DSCAM: variants seen among roughly 807,000 people sequenced by gnomAD.
DSCAM encodes cell adhesion molecule DSCAM.
In DSCAM, 47 loss-of-function variants were observed where a neutral mutation model predicts 217.7. The observed-to-expected ratio is 0.22, with a 90% CI of 0.17 to 0.28. DSCAM has a LOEUF of 0.28. Ranked by LOEUF, DSCAM falls within the 10% of genes least tolerant of loss-of-function variation. The pLI is 1.00. For missense variants in DSCAM, 2,080 were observed against 2,618.3 expected (o/e 0.79, Z 4.49); for synonymous variants, 1,056 against 1,015.3 (o/e 1.04, Z -0.76).
chr21:40,051,892 A>G (rs543675540), intron 30 of DSCAM, 66 bp downstream of exon 30: 1 of 1,529,066 alleles, frequency 6.5e-7, no homozygotes, highest in Admixed American at 2.1e-5. Context: ...TTTGAGAGAG[A>G]AAGAACATTA....
intron 1 of DSCAM, among the ~76,000 whole-genome samples, chr21:40,820,570 T>C (rs1265603059): frequency 1.3e-5 from 2 of 152,194 alleles, no homozygotes; most frequent in Non-Finnish European, 2.9e-5. Flanking sequence ...GGCACATGTA[T>C]ACCTCTGTAA....
At chr21:40,223,487 C>T (rs767880232) in intron 11 of DSCAM, among the ~76,000 whole-genome samples, 1 of 152,178 alleles carries the variant, frequency 6.6e-6, no homozygotes, top group Non-Finnish European at 1.5e-5. Flanking sequence ...AATAGGAAGA[C>T]AGCTTTTCTC....
At chr21:40,040,926 C>CA (rs1568906943) in intron 32 of DSCAM, among the ~76,000 whole-genome samples, 6 of 115,044 alleles carry the variant, frequency 5.2e-5, no homozygotes, top group African/African-American at 2.2e-4. Flanking sequence ...GCCAACAACA[C>CA]GAAAAAAAAA....
chr21:40,634,120 C>T (rs2089725456), intron 3 of DSCAM, among the ~76,000 whole-genome samples: 1 of 152,148 alleles, frequency 6.6e-6, no homozygotes, highest in Non-Finnish European at 1.5e-5. Flanking sequence ...ACATATAAGT[C>T]TCTTTATTGA....
At chr21:40,246,970 C>A (rs114180509) in intron 11 of DSCAM, among the ~76,000 whole-genome samples, 2,881 of 152,168 alleles carry the variant, frequency 0.019, 99 homozygotes, top group African/African-American at 0.065. Context: ...GAGGTCTCAG[C>A]ATCATGGGGC....
chr21:40,843,901 T>C (rs2092123230), intron 1 of DSCAM, among the ~76,000 whole-genome samples: 1 of 151,820 alleles, frequency 6.6e-6, no homozygotes, highest in South Asian at 2.1e-4. Context: ...TATTGTTGTC[T>C]ACTGTTAAAA....
intron 11 of DSCAM, among the ~76,000 whole-genome samples, chr21:40,196,156 A>T (rs1052932024): frequency 6.6e-6 from 1 of 152,184 alleles, no homozygotes; most frequent in Non-Finnish European, 1.5e-5. Context: ...CCTGGCCTGC[A>T]GAGGTGATGT....
At position 40,475,794 on chromosome 21, in the gene DSCAM, G is replaced by A. The variant is rs187632226; in HGVS notation, c.509-106549C>T. Among the ~76,000 whole-genome samples the A allele has an allele frequency of 4.3e-3, 654 of 152,054 alleles. 1 individual carries two copies. The highest frequency in any genetic ancestry group is 6.8e-3 in the Middle Eastern group (2 of 292). On this transcript the variant is annotated intron_variant, in intron 3 of 32. Coordinates refer to ENST00000400454, the MANE Select transcript of DSCAM (RefSeq NM_001389.5). ...TGCAGTGAGCCTAGATCGTGCCGTC[G>A]CACTCCAGCCTGGGCAACAGAGTAA...
intron 10 of DSCAM, among the ~76,000 whole-genome samples, chr21:40,291,089 T>TCAC (rs1390798607): frequency 6.6e-6 from 1 of 152,198 alleles, no homozygotes; most frequent in Non-Finnish European, 1.5e-5. Flanking sequence ...GTCCTGTCTG[T>TCAC]CACCGGCACT....
At chr21:40,158,418 CAAAAG>C (rs775400852) in intron 16 of DSCAM, among the ~76,000 whole-genome samples, 5 of 151,956 alleles carry the variant, frequency 3.3e-5, no homozygotes, top group Non-Finnish European at 5.9e-5. Context: ...AACAAAAAAA[CAAAAG>C]AAAAGAAAAA....
At chr21:40,526,401 C>T (rs76213983) in intron 3 of DSCAM, among the ~76,000 whole-genome samples, 3,359 of 152,206 alleles carry the variant, frequency 0.022, 119 homozygotes, top group African/African-American at 0.076. Flanking sequence ...TTTTATTTGG[C>T]TTATTCAGGG....
At chr21:40,469,442 G>A (rs570512135) in intron 3 of DSCAM, among the ~76,000 whole-genome samples, 1 of 152,280 alleles carries the variant, frequency 6.6e-6, no homozygotes, top group Admixed American at 6.5e-5. Context: ...GGCTCCTGGA[G>A]CTGTCTCTGC....
At chr21:40,579,736 A>G (rs898057181) in intron 3 of DSCAM, among the ~76,000 whole-genome samples, 1 of 152,258 alleles carries the variant, frequency 6.6e-6, no homozygotes, top group African/African-American at 2.4e-5. Flanking sequence ...ATAGGATTCC[A>G]TCTCCATTTA....
intron 32 of DSCAM, among the ~76,000 whole-genome samples, chr21:40,040,611 G>C (rs1211889125): frequency 6.6e-6 from 1 of 152,216 alleles, no homozygotes; most frequent in Non-Finnish European, 1.5e-5. Context: ...GAGGTCAGCA[G>C]TACAGCTGGA....
intron 21 of DSCAM, among the ~76,000 whole-genome samples, chr21:40,092,914 C>T (rs1359623739): frequency 6.6e-6 from 1 of 152,152 alleles, no homozygotes; most frequent in African/African-American, 2.4e-5. Flanking sequence ...TCTTAACTAT[C>T]TCATTAAAAA....
At chr21:40,219,678 A>G (rs970483010) in intron 11 of DSCAM, among the ~76,000 whole-genome samples, 1 of 152,192 alleles carries the variant, frequency 6.6e-6, no homozygotes, top group African/African-American at 2.4e-5. Flanking sequence ...TTCCTGCCAA[A>G]TGATATATCA....
intron 3 of DSCAM, among the ~76,000 whole-genome samples, chr21:40,449,320 G>A (rs1198492283): frequency 6.6e-6 from 1 of 152,048 alleles, no homozygotes; most frequent in Non-Finnish European, 1.5e-5. Flanking sequence ...TCTTTGGTGG[G>A]GGAGCATCAT....
At chr21:40,185,259 G>T (rs534042042) in intron 14 of DSCAM, among the ~76,000 whole-genome samples, 9 of 152,202 alleles carry the variant, frequency 5.9e-5, no homozygotes, top group Non-Finnish European at 1.3e-4. Context: ...GGTGGCTCAG[G>T]GAAGGGAGGA....
intron 11 of DSCAM, among the ~76,000 whole-genome samples, chr21:40,216,473 A>G (rs1465575155): frequency 6.6e-6 from 1 of 152,116 alleles, no homozygotes; most frequent in Non-Finnish European, 1.5e-5. Context: ...AAAAGCTTTT[A>G]AAAACCTCTA....
Sources: allele counts gnomAD v4.1 joint callset (sites outside exome capture counted in the v4.1 genomes callset), GRCh38; gene constraint gnomAD v4.1.1; transcripts MANE v1.5; gene names NCBI Gene and HGNC (gene_info 2026-07-23, HGNC 2026-07-21).